PCM1: variants seen among roughly 807,000 people sequenced by gnomAD.
The protein encoded by PCM1 is pericentriolar material 1.
In PCM1, 157 loss-of-function variants were observed where a neutral mutation model predicts 241.9. The observed-to-expected ratio is 0.65, with a 90% CI of 0.57 to 0.74. The LOEUF (loss-of-function observed/expected upper bound fraction) is 0.74. PCM1 is among the 30% of genes least tolerant of loss of function. The pLI is 0.00. For missense variants in PCM1, 3,478 were observed against 2,360.1 expected (o/e 1.47, Z -9.81); for synonymous variants, 1,085 against 784.9 (o/e 1.38, Z -6.39).
At chr8:17,943,530 T>C (rs961238437) in intron 6 of PCM1, among the ~76,000 whole-genome samples, 2 of 152,194 alleles carry the variant, frequency 1.3e-5, no homozygotes, top group Admixed American at 1.3e-4. Context: ...GTTCTTTTTT[T>C]CTTAAGGCAT....
intron 3 of PCM1, 126 bp from the exon 4 acceptor site, chr8:17,937,008 G>T: frequency 1.5e-6 from 1 of 679,536 alleles, no homozygotes; most frequent in Non-Finnish European, 2.4e-6. Flanking sequence ...GTCTCTAGGA[G>T]TATAAGTCTG....
intron 36 of PCM1, among the ~76,000 whole-genome samples, chr8:18,019,715 G>A (rs570256166): frequency 1.3e-5 from 2 of 152,336 alleles, no homozygotes; most frequent in African/African-American, 4.8e-5. Flanking sequence ...GAATGTGAGT[G>A]ATGGGAGTAG....
intron 28 of PCM1, among the ~76,000 whole-genome samples, chr8:17,992,398 A>G (rs1461289494): frequency 6.6e-6 from 1 of 152,094 alleles, no homozygotes; most frequent in Non-Finnish European, 1.5e-5. Flanking sequence ...TACCACATCC[A>G]CACTAACATC....
intron 29 of PCM1, among the ~76,000 whole-genome samples, chr8:17,995,450 C>T (rs542692955): frequency 6.6e-5 from 10 of 151,258 alleles, no homozygotes; most frequent in Admixed American, 2.0e-4. Flanking sequence ...GCCAGTACCA[C>T]GCTGTTTTGG....
In PCM1 at chr8:17,957,267, T is replaced by G; in HGVS notation, c.1650T>G (p.Asn550Lys). 1 of 1,580,632 alleles carries G rather than the reference T, an allele frequency of 6.3e-7. No individual in the cohort carries two copies. The highest frequency in any genetic ancestry group is 8.6e-7 in the Non-Finnish European group (1 of 1,163,202). The change falls in exon 12 of 39, where the codon AAT becomes AAG. Residue 550 changes from asparagine to lysine, a missense_variant. Physicochemically the swap from Asn to Lys is moderately conservative, Grantham distance 94. Coordinates refer to ENST00000325083, the MANE Select transcript of PCM1 (RefSeq NM_006197.4). ...ENSEPVTNIR[N>K]PQVASTWNEV... Reference sequence around the variant, plus strand: ...CAGGCTGTTTTCTTTCTTCTAGAAATCCACAAGTAGCTTCCACTTGGAATG... The same window carrying G: ...CAGGCTGTTTTCTTTCTTCTAGAAAGCCACAAGTAGCTTCCACTTGGAATG...
chr8:18,012,543 G>A (rs1332932465), intron 34 of PCM1, among the ~76,000 whole-genome samples: 2 of 151,998 alleles, frequency 1.3e-5, no homozygotes, highest in African/African-American at 4.8e-5. Context: ...TGGATGAGGC[G>A]GTGCTTTTTT....
chr8:18,014,867 T>C (rs1279923825), intron 36 of PCM1, 27 bp downstream of exon 36: 1 of 1,532,788 alleles, frequency 6.5e-7, no homozygotes, highest in Non-Finnish European at 8.8e-7. Flanking sequence ...TTTCCAAATA[T>C]TTTTACTTTT....
At chr8:17,935,799 G>T (rs540584483) in intron 3 of PCM1, 93 bp downstream of exon 3, 6 of 658,116 alleles carry the variant, frequency 9.1e-6, no homozygotes, top group Middle Eastern at 4.9e-4. Context: ...GATGCTCTTT[G>T]TATACACTTG....
At chr8:17,985,193 A>G (rs1307563104) in intron 24 of PCM1, among the ~76,000 whole-genome samples, 1 of 151,844 alleles carries the variant, frequency 6.6e-6, no homozygotes. Context: ...AGAAATAAAC[A>G]TGGTTCTTAG....
chr8:17,949,642 C>T (rs976135811), intron 7 of PCM1, among the ~76,000 whole-genome samples: 9 of 152,070 alleles, frequency 5.9e-5, no homozygotes, highest in African/African-American at 1.2e-4. Context: ...GGAATACAGG[C>T]GTGCTGTACC....
chr8:17,927,957 A>T (rs2057655266), intron 2 of PCM1: 1 of 149,676 alleles, frequency 6.7e-6, no homozygotes. Flanking sequence ...AAAAAAAACC[A>T]CTAAGGCTGT....
In PCM1 at chr8:17,984,566, G is replaced by T. The variant is rs560821240; in HGVS notation, c.4109-881G>T. ...ATGCTTGTGGAAATTGAGACCTGAA[G>T]ATATTAAATTATTAGCCAAGTAGTG... is the stretch of plus-strand genomic sequence containing the variant. On this transcript the variant is annotated intron_variant, in intron 24 of 38. Coordinates refer to ENST00000325083, the MANE Select transcript of PCM1 (RefSeq NM_006197.4). Among the ~76,000 whole-genome samples, 3 of 151,950 alleles carry T rather than the reference G, an allele frequency of 2.0e-5. No individual in the cohort carries two copies. In the South Asian group the frequency reaches 6.2e-4, roughly 31 times the overall value.
At chr8:17,940,084 G>C in intron 6 of PCM1, 2 of 1,581,238 alleles carry the variant, frequency 1.3e-6, no homozygotes, top group Non-Finnish European at 1.7e-6. Context: ...TATAGATTCA[G>C]CTGTGGGATC....
At position 17,938,871 on chromosome 8, in the gene PCM1, A is replaced by C. The variant is rs201821575; in HGVS notation, c.474A>C (p.Thr158=). Residue 158 remains threonine, a synonymous_variant, in exon 5 of 39, where the codon ACA becomes ACC. Transcript: ENST00000325083. The part of the protein sequence containing the change: ...INTNKSKDAS[T]NPPNRETIGS... ...CTAACAAGAGCAAAGATGCATCTAC[A>C]AACCCCCCAAACAGAGAAACGATTG... The C allele has an allele frequency of 6.2e-7, 1 of 1,613,784 alleles. No homozygotes were observed. Among genetic ancestry groups the C allele is most frequent in the Admixed American group, 1.7e-5 (1 of 60,022 alleles).
At chr8:18,020,203 A>G (rs2129487756) in intron 36 of PCM1, among the ~76,000 whole-genome samples, 1 of 152,330 alleles carries the variant, frequency 6.6e-6, no homozygotes, top group Middle Eastern at 3.4e-3. Context: ...CCTTACTCAG[A>G]AACGTGGAGG....
intron 8 of PCM1, among the ~76,000 whole-genome samples, chr8:17,951,646 A>G (rs1439154419): frequency 6.6e-6 from 1 of 152,220 alleles, no homozygotes; most frequent in Admixed American, 6.5e-5. Flanking sequence ...TTATTTTAAA[A>G]AAAGTCTACA....
At chr8:17,996,225 T>C (rs1271706219) in intron 29 of PCM1, among the ~76,000 whole-genome samples, 1 of 152,196 alleles carries the variant, frequency 6.6e-6, no homozygotes, top group Non-Finnish European at 1.5e-5. Context: ...ACCCAGTTTT[T>C]TGAGGGCTTT....
At chr8:17,963,517 C>G (rs2073499779) in intron 17 of PCM1, among the ~76,000 whole-genome samples, 1 of 152,122 alleles carries the variant, frequency 6.6e-6, no homozygotes, top group African/African-American at 2.4e-5. Context: ...TACTATGGCA[C>G]TTGATCAAAT....
chr8:17,958,724 A>G (rs2070033609), intron 13 of PCM1, among the ~76,000 whole-genome samples: 1 of 94,764 alleles, frequency 1.1e-5, no homozygotes, highest in Non-Finnish European at 2.0e-5. Flanking sequence ...ACGTATTTGT[A>G]TTTATTTATT....
Sources: gnomAD v4.1 joint callset for allele counts (sites outside exome capture counted in the v4.1 genomes callset) on GRCh38, gnomAD v4.1.1 for gene constraint, MANE v1.5 for transcripts, NCBI Gene and HGNC (gene_info 2026-07-23, HGNC 2026-07-21) for gene names.